Variants in ANKRD27 observed in about 807,000 individuals in gnomAD.
The protein encoded by ANKRD27 is ankyrin repeat domain 27, also known as ankyrin repeat domain-containing protein 27.
Under a neutral mutation model 129.7 loss-of-function variants are expected in ANKRD27, and 112 were observed. The observed-to-expected ratio is 0.86, with a 90% confidence interval of 0.74 to 1.01. ANKRD27 has a LOEUF of 1.01. ANKRD27 is among the 50% of genes least tolerant of loss of function. The pLI, the probability that ANKRD27 is intolerant of heterozygous loss-of-function variation, is 0.00. For synonymous variants in ANKRD27, 516 were observed against 511.2 expected (o/e 1.01, Z -0.13); for missense variants, 1,258 against 1,300.5 (o/e 0.97, Z 0.50).
intron 18 of ANKRD27, among the ~76,000 whole-genome samples, chr19:32,621,867 G>A (rs1972015101): frequency 6.6e-6 from 1 of 152,128 alleles, no homozygotes; most frequent in Non-Finnish European, 1.5e-5. Flanking sequence ...AGACGAGAGT[G>A]CAGAGAACTG....
chr19:32,650,269 T>C (rs772468867), intron 2 of ANKRD27, among the ~76,000 whole-genome samples: 70 of 152,138 alleles, frequency 4.6e-4, no homozygotes. Context: ...AAAAGAAACA[T>C]GGCCAGGCGT....
At chr19:32,610,337 T>C (rs959784406) in intron 22 of ANKRD27, among the ~76,000 whole-genome samples, 1 of 150,804 alleles carries the variant, frequency 6.6e-6, no homozygotes, top group Non-Finnish European at 1.5e-5. Flanking sequence ...TAAAATAAAA[T>C]AGCCCAGCAT....
intron 1 of ANKRD27, among the ~76,000 whole-genome samples, chr19:32,669,025 T>C (rs2145329063): frequency 6.6e-6 from 1 of 152,196 alleles, no homozygotes; most frequent in South Asian, 2.1e-4. Flanking sequence ...TGGCCCAGGC[T>C]GGTCTCATAC....
chr19:32,671,255 T>A (rs1467029139), intron 1 of ANKRD27, among the ~76,000 whole-genome samples: 2 of 151,400 alleles, frequency 1.3e-5, no homozygotes, highest in African/African-American at 4.9e-5. Context: ...ACCACTGCAC[T>A]CTAGCCTAGG....
chr19:32,604,592 C>CA (rs959684126), intron 24 of ANKRD27, among the ~76,000 whole-genome samples, 168 bp from the exon 25 acceptor site: 1 of 152,032 alleles, frequency 6.6e-6, no homozygotes, highest in African/African-American at 2.4e-5. Context: ...GATTTATAGA[C>CA]AAAGAGTTCG....
chr19:32,668,632 C>T (rs1202075114), intron 1 of ANKRD27, among the ~76,000 whole-genome samples: 1 of 152,022 alleles, frequency 6.6e-6, no homozygotes, highest in East Asian at 1.9e-4. Flanking sequence ...GCCACCATGC[C>T]TAGCTAATTT....
chr19:32,598,751 C>A (rs1350661835), intron 28 of ANKRD27, among the ~76,000 whole-genome samples: 1 of 144,748 alleles, frequency 6.9e-6, no homozygotes, highest in African/African-American at 2.4e-5. Context: ...GGCTTTCCCA[C>A]AAAGCAGCAG....
chr19:32,628,772 C>G lies in ANKRD27; in HGVS notation c.1287G>C (p.Lys429Asn). Residue 429 changes from lysine to asparagine, a missense_variant, in exon 14 of 29, where the codon AAG becomes AAC. Transcript: ENST00000306065. ...QEDHDKDTVQ[K>N]MCHPLCFCDD... is the part of the protein sequence containing the mutation. ...CGCAGAAGCAGAGAGGGTGACACAT[C>G]TTTTGGACGGTATCTTTATCATGGT... 6.2e-7 allele frequency: 1 copy of G among 1,614,182 alleles called. No homozygotes were observed. Among genetic ancestry groups the G allele is most frequent in the Non-Finnish European group, 8.5e-7 (1 of 1,180,030 alleles).
chr19:32,663,523 TAA>T (rs1216153361), intron 1 of ANKRD27, among the ~76,000 whole-genome samples: 1 of 152,246 alleles, frequency 6.6e-6, no homozygotes, highest in African/African-American at 2.4e-5. Flanking sequence ...ATCAAGTGTC[TAA>T]TTATATTTCT....
chr19:32,667,639 C>T (rs1967785210), intron 1 of ANKRD27, among the ~76,000 whole-genome samples: 2 of 152,066 alleles, frequency 1.3e-5, no homozygotes, highest in African/African-American at 4.8e-5. Flanking sequence ...CGGATCCAGC[C>T]TGGCCAACGT....
At chr19:32,624,984 C>T (rs1292058276) in intron 17 of ANKRD27, among the ~76,000 whole-genome samples, 1 of 151,922 alleles carries the variant, frequency 6.6e-6, no homozygotes, top group African/African-American at 2.4e-5. Flanking sequence ...AGGCCAGGTG[C>T]GGTGGCTCAC....
chr19:32,626,701 C>G lies in ANKRD27; in HGVS notation c.1536+11G>C. ...AAAGCGACAGCCCGCCACAAAGGCA[C>G]CACTGCTCACCGTCACGCTCTGGTA... On this transcript the variant is annotated intron_variant, in intron 16 of 28. Transcript: ENST00000306065. 6.3e-7 allele frequency: 1 copy of G among 1,590,666 alleles called. No homozygotes were observed. Among genetic ancestry groups the G allele is most frequent in the South Asian group, 1.1e-5 (1 of 87,892 alleles).
intron 2 of ANKRD27, among the ~76,000 whole-genome samples, chr19:32,653,865 T>C (rs1347881998): frequency 6.6e-6 from 1 of 152,154 alleles, no homozygotes; most frequent in South Asian, 2.1e-4. Flanking sequence ...AGAAGCGTGG[T>C]GCGGTTCACT....
intron 1 of ANKRD27, among the ~76,000 whole-genome samples, chr19:32,660,434 G>A (rs1659302686): frequency 6.6e-6 from 1 of 152,134 alleles, no homozygotes; most frequent in African/African-American, 2.4e-5. Flanking sequence ...TCCCAGCTTG[G>A]GACTGCCCAG....
chr19:32,615,116 T>C (rs1222102564), intron 22 of ANKRD27, among the ~76,000 whole-genome samples: 1 of 152,130 alleles, frequency 6.6e-6, no homozygotes, highest in Admixed American at 6.5e-5. Context: ...GGGGCCCAGA[T>C]AGCAGCCAAA....
Position 32,604,319 on chromosome 19 carries a change from C to G in ANKRD27, c.2599G>C (p.Ala867Pro), listed in dbSNP as rs755074207. 2 of 1,614,038 alleles carry G rather than the reference C, an allele frequency of 1.2e-6. No individual in the cohort carries two copies. The highest frequency in any genetic ancestry group is 1.7e-6 in the Non-Finnish European group (2 of 1,180,032). Residue 867 changes from alanine to proline, a missense_variant, in exon 25 of 29, where the codon GCG (alanine) becomes CCG (proline). Physicochemically the swap from Ala to Pro is conservative, Grantham distance 27. Coordinates refer to ENST00000306065, the MANE Select transcript of ANKRD27 (RefSeq NM_032139.3). ...FVVELLLLHG[A>P]SVQVLNKRQR... ...CGCTTGTTCAGCACCTGAACTGACG[C>G]TCCGTGGAGCAGAAGCAGCTCTACC...
In ANKRD27 at chr19:32,598,326, C is replaced by T; in HGVS notation, c.2972G>A (p.Gly991Glu). The change falls in exon 29 of 29, where the codon GGA (glycine) becomes GAA (glutamate). Residue 991 changes from glycine to glutamate, a missense_variant. Transcript: ENST00000306065. ...GTTGCCTTTCTCAGCAGCATGAGAT[C>T]CACTCTGAGCTGGCAGGTTATTCTG... is the stretch of plus-strand genomic sequence containing the variant. ...LRQNNLPAQS[G>E]SHAAEKGNSD... The T allele has an allele frequency of 6.2e-7, 1 of 1,614,206 alleles. No homozygotes were observed. The highest frequency in any genetic ancestry group is 8.5e-7 in the Non-Finnish European group (1 of 1,180,040).
chr19:32,602,737 A>C (rs1039924326), intron 25 of ANKRD27, among the ~76,000 whole-genome samples: 1 of 152,036 alleles, frequency 6.6e-6, no homozygotes, highest in Admixed American at 6.6e-5. Flanking sequence ...CTATTAAAAA[A>C]AAATTAGCTG....
At chr19:32,601,993 C>A (rs1971659955) in intron 26 of ANKRD27, 22 bp downstream of exon 26, 1 of 1,505,898 alleles carries the variant, frequency 6.6e-7, no homozygotes, top group African/African-American at 1.4e-5. Context: ...TTGAGCGTGA[C>A]AGAAAGAACG....
Sources: gnomAD v4.1 joint callset for allele counts (sites outside exome capture counted in the v4.1 genomes callset) on GRCh38, gnomAD v4.1.1 for gene constraint, MANE v1.5 for transcripts, NCBI Gene and HGNC (gene_info 2026-07-23, HGNC 2026-07-21) for gene names.